Variants in NUP155 observed in about 807,000 individuals in gnomAD.
NUP155 encodes nuclear pore complex protein Nup155.
A neutral mutation model predicts 180.4 loss-of-function variants in NUP155; 71 were observed. That is an observed-to-expected ratio of 0.39 (90% CI 0.33 to 0.48). The LOEUF (loss-of-function observed/expected upper bound fraction) is 0.48. Ranked by LOEUF, NUP155 falls within the 20% of genes least tolerant of loss-of-function variation. The pLI is 0.91. For synonymous variants in NUP155, 582 were observed against 559.5 expected (o/e 1.04, Z -0.57); for missense variants, 1,553 against 1,648.9 (o/e 0.94, Z 1.01).
intron 32 of NUP155, among the ~76,000 whole-genome samples, chr5:37,296,453 T>C (rs58981430): frequency 3.9e-5 from 6 of 152,082 alleles, no homozygotes; most frequent in Admixed American, 6.5e-5. Context: ...CAAGATGTGC[T>C]TTGTTAAACA....
At chr5:37,334,818 T>C (rs1745212951) in intron 12 of NUP155, among the ~76,000 whole-genome samples, 1 of 152,212 alleles carries the variant, frequency 6.6e-6, no homozygotes, top group East Asian at 1.9e-4. Flanking sequence ...CCTTCTACCA[T>C]CTTTCCAGGA....
In NUP155 at chr5:37,370,969, A is replaced by T; in HGVS notation, c.9T>A (p.Ser3=). Reference sequence around the variant, plus strand: ...CCGGCATCGCCGCGCCCAACAAAGAAGACGGCATCTCGGAAATCGTAGACA... The same window carrying T: ...CCGGCATCGCCGCGCCCAACAAAGATGACGGCATCTCGGAAATCGTAGACA... MP[S]SLLGAAMPAS... The change falls in exon 1 of 35, where the codon TCT becomes TCA. Residue 3 remains serine (S), a synonymous_variant. Transcript: ENST00000231498. 1.2e-6 allele frequency: 2 copies of T among 1,613,950 alleles called. No individual in the cohort carries two copies. The highest frequency in any genetic ancestry group is 1.7e-6 in the Non-Finnish European group (2 of 1,180,012).
chr5:37,295,024 A>T (rs1021091120), intron 32 of NUP155, among the ~76,000 whole-genome samples: 3 of 152,038 alleles, frequency 2.0e-5, no homozygotes, highest in Non-Finnish European at 2.9e-5. Flanking sequence ...AACAGTATTT[A>T]AAAAAAATAG....
Position 37,304,796 on chromosome 5 carries a change from A to G in NUP155, c.3105T>C (p.Phe1035=). Residue 1035 remains phenylalanine (F), a synonymous_variant, in exon 27 of 35, where the codon TTT becomes TTC. Transcript: ENST00000231498. ...KLSQRSKDEL[F]SIALYNWLIQ... ...TTAGCCAATTATAAAGGGCAATACT[A>G]AAGAGCTCATCCTTGGATCGCTGTG... The G allele has an allele frequency of 4.3e-6, 7 of 1,614,052 alleles. No homozygotes were observed. The highest frequency in any genetic ancestry group is 5.9e-6 in the Non-Finnish European group (7 of 1,179,940).
At chr5:37,345,614 T>C (rs946458991) in intron 9 of NUP155, among the ~76,000 whole-genome samples, 14 of 150,280 alleles carry the variant, frequency 9.3e-5, no homozygotes, top group African/African-American at 3.2e-4. Flanking sequence ...ATAAAGAGTG[T>C]ATTAGTTTTG....
chr5:37,371,071 G>A lies in NUP155; in HGVS notation c.-94C>T, dbSNP rs1018506060. The A allele has an allele frequency of 2.2e-6, 3 of 1,392,190 alleles. No individual in the cohort carries two copies. The highest frequency in any genetic ancestry group is 1.4e-5 in the African/African-American group (1 of 70,040). The allele number at this position is 1,392,190 out of a possible 1,614,324, so 86.2% of individuals were successfully genotyped here. ...AAGTTAGCTTAGATCCGCCGCCTAG[G>A]GCGCGCGCGCCAAACGAGCGCCTTG... is the stretch of plus-strand genomic sequence containing the variant. On this transcript the variant is annotated 5_prime_UTR_variant, in exon 1 of 35. Coordinates refer to ENST00000231498, the MANE Select transcript of NUP155 (RefSeq NM_153485.3).
chr5:37,367,862 C>T (rs1468151896), intron 1 of NUP155, among the ~76,000 whole-genome samples: 1 of 152,162 alleles, frequency 6.6e-6, no homozygotes, highest in Non-Finnish European at 1.5e-5. Flanking sequence ...CGGCTCACTG[C>T]AACTTCCGCC....
At chr5:37,311,692 G>A (rs1236714142) in intron 22 of NUP155, among the ~76,000 whole-genome samples, 11 of 150,192 alleles carry the variant, frequency 7.3e-5, no homozygotes, top group Admixed American at 1.3e-4. Flanking sequence ...CAGAATTGCA[G>A]CTAGTAACTG....
At position 37,329,219 on chromosome 5, in the gene NUP155, C is replaced by G; in HGVS notation, c.1784G>C (p.Gly595Ala). 1 of 1,613,808 alleles carries G rather than the reference C, an allele frequency of 6.2e-7. No homozygotes were observed. The highest frequency in any genetic ancestry group is 8.5e-7 in the Non-Finnish European group (1 of 1,179,774). ...PTTLPPPSNV[G>A]PILGSPVYSS... The stretch of plus-strand genomic sequence containing the variant: ...ATAGACAGGAGACCCCAAGATGGGA[C>G]CAACATTACTTGGAGGCGGAAGAGT... Residue 595 changes from glycine (G) to alanine (A), a missense_variant, in exon 16 of 35, where the codon GGT becomes GCT. Coordinates refer to ENST00000231498, the MANE Select transcript of NUP155 (RefSeq NM_153485.3).
chr5:37,358,106 A>G lies in NUP155; in HGVS notation c.438T>C (p.Ala146=), dbSNP rs149519511. 1 of 1,613,440 alleles carries G rather than the reference A, an allele frequency of 6.2e-7. No homozygotes were observed. The highest frequency in any genetic ancestry group is 8.5e-7 in the Non-Finnish European group (1 of 1,179,334). Residue 146 remains alanine, a synonymous_variant, in exon 4 of 35, where the codon GCT becomes GCC. Transcript: ENST00000231498. ...YFDGLSETIL[A]VGLVKPKAGI... ...CTGCTTTTGGCTTCACAAGCCCCAC[A>G]GCAAGAATAGTCTCACTAAGTCCAT...
At chr5:37,359,444 G>A (rs1025566814) in intron 3 of NUP155, among the ~76,000 whole-genome samples, 2 of 152,000 alleles carry the variant, frequency 1.3e-5, no homozygotes, top group Admixed American at 6.6e-5. Context: ...CACAGGAAGA[G>A]CCTAAGACTG....
intron 9 of NUP155, among the ~76,000 whole-genome samples, chr5:37,346,406 T>A (rs1286111259): frequency 2.0e-5 from 3 of 152,178 alleles, no homozygotes; most frequent in African/African-American, 7.2e-5. Flanking sequence ...GTGCAGTGGC[T>A]CACGCCTGTA....
intron 32 of NUP155, among the ~76,000 whole-genome samples, chr5:37,297,790 A>T (rs1742664837): frequency 6.6e-6 from 1 of 152,148 alleles, no homozygotes; most frequent in African/African-American, 2.4e-5. Flanking sequence ...TTTAGGATCA[A>T]TAAAATGGTA....
At chr5:37,294,520 G>T in intron 32 of NUP155, 55 bp from the exon 33 acceptor site, 1 of 1,529,992 alleles carries the variant, frequency 6.5e-7, no homozygotes, top group East Asian at 2.3e-5. Context: ...GATACTAAAA[G>T]GTAGGTCTTA....
intron 24 of NUP155, among the ~76,000 whole-genome samples, chr5:37,307,929 A>C (rs1394152318): frequency 1.4e-5 from 1 of 71,140 alleles, no homozygotes; most frequent in Non-Finnish European, 2.9e-5. Context: ...CTCACAAAAA[A>C]AAAAAGAAAA....
chr5:37,365,450 G>A (rs1747499771), intron 1 of NUP155, among the ~76,000 whole-genome samples: 1 of 151,478 alleles, frequency 6.6e-6, no homozygotes, highest in African/African-American at 2.4e-5. Context: ...GCTCACGCCT[G>A]TAATCCCAGC....
intron 17 of NUP155, 70 bp downstream of exon 17, chr5:37,328,288 A>T: frequency 9.1e-7 from 1 of 1,094,588 alleles, no homozygotes; most frequent in Non-Finnish European, 1.4e-6. Flanking sequence ...TTTTCACACT[A>T]AGCATTAAGG....
chr5:37,367,768 C>T (rs1159217241), intron 1 of NUP155, among the ~76,000 whole-genome samples: 1 of 151,618 alleles, frequency 6.6e-6, no homozygotes, highest in East Asian at 1.9e-4. Flanking sequence ...CTCCTGACCT[C>T]GTGATCCGCC....
At position 37,330,138 on chromosome 5, in the gene NUP155, TAA is replaced by T; in HGVS notation, c.1630-8_1630-7del. ...GTTGCACAAGCCTGGTCTTCCTGTG[TAA>T]AAAGAGGAATATTGGCCTTATATTA... On this transcript the variant is annotated splice_polypyrimidine_tract_variant and splice_region_variant and intron_variant, in intron 14 of 34. Transcript: ENST00000231498. 2 of 1,601,192 alleles carry T rather than the reference TAA, an allele frequency of 1.2e-6. No homozygotes were observed. The highest frequency in any genetic ancestry group is 1.7e-6 in the Non-Finnish European group (2 of 1,169,884).
Sources: gnomAD v4.1 joint callset for allele counts (sites outside exome capture counted in the v4.1 genomes callset) on GRCh38, gnomAD v4.1.1 for gene constraint, MANE v1.5 for transcripts, NCBI Gene and HGNC (gene_info 2026-07-23, HGNC 2026-07-21) for gene names.